The following AOPEP variants were observed in gnomAD, a reference collection of about 807,000 sequenced individuals.
AOPEP encodes the protein aminopeptidase O.
In AOPEP, 77 loss-of-function variants were observed where a neutral mutation model predicts 98.1. That is an observed-to-expected ratio of 0.78 (90% CI 0.65 to 0.95). The LOEUF is 0.95. AOPEP is among the 40% of genes least tolerant of loss of function. The pLI is 0.00. For missense variants in AOPEP, 1,024 were observed against 1,024.7 expected, an observed-to-expected ratio of 1.00 and a Z score of 0.01; for synonymous variants, 346 against 365.3, an observed-to-expected ratio of 0.95 and a Z score of 0.60.
intron 14 of AOPEP, among the ~76,000 whole-genome samples, chr9:95,070,600 T>G (rs945826295): frequency 6.6e-6 from 1 of 152,288 alleles, no homozygotes; most frequent in Non-Finnish European, 1.5e-5. Flanking sequence ...GAAGCATTTA[T>G]CAAGCATGTA....
chr9:95,093,758 A>T, the AOPEP span, among the ~76,000 whole-genome samples: 17 of 152,166 alleles, frequency 1.1e-4, no homozygotes, highest in Admixed American at 1.0e-3. Context: ...GCACGTACAT[A>T]ACGCTCGCTT....
At chr9:94,731,279 G>A (rs2131672414) in intron 1 of AOPEP, among the ~76,000 whole-genome samples, 1 of 151,814 alleles carries the variant, frequency 6.6e-6, no homozygotes, top group South Asian at 2.1e-4. Flanking sequence ...CCAGGCTGGA[G>A]TGCAGTGGCG....
chr9:95,027,097 T>TA (rs1474753498), intron 13 of AOPEP, among the ~76,000 whole-genome samples: 3 of 151,710 alleles, frequency 2.0e-5, no homozygotes, highest in African/African-American at 4.8e-5. Context: ...CCCATCTCTA[T>TA]AAAAAAATAC....
chr9:94,922,420 C>T (rs928630623), intron 5 of AOPEP, among the ~76,000 whole-genome samples: 3 of 152,230 alleles, frequency 2.0e-5, no homozygotes, highest in Non-Finnish European at 2.9e-5. Context: ...GAAGTTACTT[C>T]TGTCTTGTTT....
intron 12 of AOPEP, 152 bp from the exon 13 acceptor site, chr9:95,005,390 C>A: frequency 1.1e-6 from 1 of 871,610 alleles, no homozygotes; most frequent in Non-Finnish European, 1.8e-6. Flanking sequence ...TGCGGTGAGG[C>A]GCCCGGCGAG....
At chr9:95,014,571 A>T (rs917094177) in intron 13 of AOPEP, among the ~76,000 whole-genome samples, 5 of 152,188 alleles carry the variant, frequency 3.3e-5, no homozygotes, top group Non-Finnish European at 5.9e-5. Flanking sequence ...GTGGCTACCC[A>T]GTGAGTCTTC....
chr9:95,118,513 C>T, the AOPEP span, among the ~76,000 whole-genome samples: 3 of 152,222 alleles, frequency 2.0e-5, no homozygotes, highest in African/African-American at 7.2e-5. Context: ...GTGACCACCA[C>T]CCCAGTGAAG....
chr9:94,825,924 A>T (rs1046359867), intron 5 of AOPEP, among the ~76,000 whole-genome samples: 1 of 152,214 alleles, frequency 6.6e-6, no homozygotes, highest in Non-Finnish European at 1.5e-5. Flanking sequence ...AAGGATAATT[A>T]AAAAATTCTG....
intron 11 of AOPEP, among the ~76,000 whole-genome samples, chr9:94,999,495 G>A (rs1194166904): frequency 6.6e-6 from 1 of 152,156 alleles, no homozygotes; most frequent in Non-Finnish European, 1.5e-5. Context: ...ATTGTCCTAT[G>A]GCTCCTCACA....
chr9:94,867,506 T>A (rs1037455117), intron 5 of AOPEP, among the ~76,000 whole-genome samples: 20 of 152,258 alleles, frequency 1.3e-4, no homozygotes, highest in Admixed American at 7.8e-4. Context: ...ATCTGAGGCA[T>A]TCTTCCTACT....
intron 13 of AOPEP, among the ~76,000 whole-genome samples, chr9:95,059,757 T>A (rs934077994): frequency 6.6e-6 from 1 of 152,176 alleles, no homozygotes; most frequent in Admixed American, 6.5e-5. Context: ...TACACAGGGA[T>A]GGAGAGAAGC....
chr9:95,049,519 T>C (rs1418473514), intron 13 of AOPEP, among the ~76,000 whole-genome samples: 1 of 152,216 alleles, frequency 6.6e-6, no homozygotes, highest in Non-Finnish European at 1.5e-5. Context: ...CATTAAAATT[T>C]AAATAATCAG....
chr9:95,078,656 C>T lies in AOPEP; in HGVS notation c.2233-2038C>T, dbSNP rs371781284. Among the ~76,000 whole-genome samples the T allele has an allele frequency of 7.2e-5, 11 of 152,372 alleles. No homozygotes were observed. The East Asian group carries it at 7.7e-4, about 11-fold the overall frequency. On this transcript the variant is annotated intron_variant, in intron 14 of 16. Transcript: ENST00000375315. ...CGCTCCCATCCATATGTGGCCATCTCGCCAGACCACACCAGCTTGCCTGCA... is the reference window on the plus strand; with the variant it reads ...CGCTCCCATCCATATGTGGCCATCTTGCCAGACCACACCAGCTTGCCTGCA...
At position 94,760,424 on chromosome 9, in the gene AOPEP, G is replaced by C. The variant is rs1465923257; in HGVS notation, c.641G>C (p.Gly214Ala). 1 of 1,613,974 alleles carries C rather than the reference G, an allele frequency of 6.2e-7. No homozygotes were observed. The highest frequency in any genetic ancestry group is 8.5e-7 in the Non-Finnish European group (1 of 1,179,912). ...DYYARCSQAP[G>A]CGELLFDTDT... Reference sequence around the variant, plus strand: ...TACGCTCGCTGCAGCCAGGCTCCTGGCTGTGGGGAACTCCTCTTTGACACT... The same window carrying C: ...TACGCTCGCTGCAGCCAGGCTCCTGCCTGTGGGGAACTCCTCTTTGACACT... The change falls in exon 2 of 17, where the codon GGC (glycine) becomes GCC (alanine). Residue 214 changes from glycine to alanine, a missense_variant. This residue lies in a region of AOPEP where 440 missense variants were observed against 433.8 expected (regional missense o/e 1.01). Coordinates refer to ENST00000375315, the MANE Select transcript of AOPEP (RefSeq NM_001193329.3).
At chr9:94,799,962 A>T (rs1847856028) in intron 4 of AOPEP, among the ~76,000 whole-genome samples, 1 of 152,034 alleles carries the variant, frequency 6.6e-6, no homozygotes, top group East Asian at 1.9e-4. Context: ...GTACTGTTGG[A>T]TGTAGGTTTG....
chr9:95,135,372 C>T, the AOPEP span: 356 of 1,613,898 alleles, frequency 2.2e-4, no homozygotes, highest in Non-Finnish European at 2.8e-4. Context: ...ATAAAGCATT[C>T]GATCCTTCTC....
At chr9:94,886,926 T>A (rs1564324291) in intron 5 of AOPEP, among the ~76,000 whole-genome samples, 1 of 152,324 alleles carries the variant, frequency 6.6e-6, no homozygotes, top group South Asian at 2.1e-4. Flanking sequence ...TTGCTTAGTA[T>A]GAATGGGTAA....
At chr9:95,111,571 C>T in the AOPEP span, 1 of 1,614,204 alleles carries the variant, frequency 6.2e-7, no homozygotes, top group Non-Finnish European at 8.5e-7. Context: ...ATTGCTCTGC[C>T]ACCATCTCAG....
At chr9:94,821,034 C>T (rs1852980548) in intron 5 of AOPEP, among the ~76,000 whole-genome samples, 1 of 152,180 alleles carries the variant, frequency 6.6e-6, no homozygotes, top group African/African-American at 2.4e-5. Flanking sequence ...TATGTTCATC[C>T]TATTTTCACT....
Sources: gnomAD v4.1 joint callset for allele counts (sites outside exome capture counted in the v4.1 genomes callset) on GRCh38, gnomAD v4.1.1 for gene constraint, gnomAD v4.1.1 regional missense constraint, MANE v1.5 for transcripts, NCBI Gene and HGNC (gene_info 2026-07-23, HGNC 2026-07-21) for gene names.